ZFAT: variants seen among roughly 807,000 people sequenced by gnomAD.
The protein encoded by ZFAT is zinc finger and AT-hook domain containing.
ZFAT carries 64 observed loss-of-function variants against 117.7 expected under a neutral mutation model. The observed-to-expected ratio is 0.54, with a 90% CI of 0.44 to 0.67. The LOEUF is 0.67. Among genes scored for constraint, ZFAT ranks in the 30% least tolerant of loss-of-function variants. The pLI is 0.00. For missense variants in ZFAT, 1,433 were observed against 1,584.5 expected (o/e 0.90, Z 1.62); for synonymous variants, 679 against 615.0 (o/e 1.10, Z -1.54).
intron 11 of ZFAT, among the ~76,000 whole-genome samples, chr8:134,548,191 T>G (rs1822842621): frequency 6.6e-6 from 1 of 152,216 alleles, no homozygotes; most frequent in Admixed American, 6.5e-5. Context: ...ACTGCATAGG[T>G]GCTGGGAGTA....
intron 3 of ZFAT, among the ~76,000 whole-genome samples, chr8:134,614,377 AT>A (rs887890536): frequency 1.3e-5 from 2 of 152,110 alleles, no homozygotes; most frequent in African/African-American, 4.8e-5. Context: ...CAACGTCCTG[AT>A]CCACACACCT....
the ZFAT span, among the ~76,000 whole-genome samples, chr8:134,820,372 A>C: frequency 6.6e-6 from 1 of 152,226 alleles, no homozygotes; most frequent in Admixed American, 6.5e-5. Context: ...GAAATGTAAT[A>C]CATCTACCAA....
At chr8:134,653,089 A>G (rs1447061299) in intron 2 of ZFAT, among the ~76,000 whole-genome samples, 1 of 151,660 alleles carries the variant, frequency 6.6e-6, no homozygotes, top group Non-Finnish European at 1.5e-5. Context: ...AAAAATTAGG[A>G]CATACAAATA....
At chr8:134,819,496 A>ACCCCCCCCCCCCCCCCCCCCCCCCCCC in the ZFAT span, among the ~76,000 whole-genome samples, 1 of 39,336 alleles carries the variant, frequency 2.5e-5, no homozygotes, top group Non-Finnish European at 4.7e-5. Flanking sequence ...CGGATTTACC[A>ACCCCCCCCCCCCCCCCCCCCCCCCCCC]CCCCCCCCCC....
chr8:134,801,484 C>T, the ZFAT span, among the ~76,000 whole-genome samples: 1 of 152,098 alleles, frequency 6.6e-6, no homozygotes, highest in African/African-American at 2.4e-5. Flanking sequence ...CACAGGTAAC[C>T]CAGGACTTTC....
chr8:134,634,002 C>T (rs899740054), intron 3 of ZFAT, among the ~76,000 whole-genome samples: 29 of 152,138 alleles, frequency 1.9e-4, no homozygotes, highest in Admixed American at 3.9e-4. Context: ...GCTGAGATTG[C>T]GCCACTGCAC....
At chr8:134,527,787 A>T (rs1443830381) in intron 12 of ZFAT, among the ~76,000 whole-genome samples, 2 of 152,238 alleles carry the variant, frequency 1.3e-5, no homozygotes, top group Non-Finnish European at 2.9e-5. Flanking sequence ...TTATCAGCCA[A>T]GCTGATATCC....
chr8:134,807,564 C>T, the ZFAT span, among the ~76,000 whole-genome samples: 1 of 152,190 alleles, frequency 6.6e-6, no homozygotes, highest in African/African-American at 2.4e-5. Context: ...TACAATTTGA[C>T]TCTGAACTCT....
the ZFAT span, among the ~76,000 whole-genome samples, chr8:134,825,263 A>T: frequency 6.6e-6 from 1 of 152,234 alleles, no homozygotes; most frequent in Admixed American, 6.5e-5. Flanking sequence ...GAAAAGGCAT[A>T]CAATGATTAG....
chr8:134,777,299 AAG>A, the ZFAT span, among the ~76,000 whole-genome samples: 1 of 152,222 alleles, frequency 6.6e-6, no homozygotes, highest in African/African-American at 2.4e-5. Context: ...CCAAAGAGGA[AAG>A]AGAGAATTAG....
intron 13 of ZFAT, among the ~76,000 whole-genome samples, chr8:134,515,297 T>TAATC (rs1338710948): frequency 6.6e-6 from 1 of 152,254 alleles, no homozygotes; most frequent in African/African-American, 2.4e-5. Flanking sequence ...TATAGTAGAA[T>TAATC]GATTTATAAT....
intron 10 of ZFAT, among the ~76,000 whole-genome samples, chr8:134,570,637 G>A (rs113943469): frequency 0.012 from 1,782 of 152,244 alleles, 30 homozygotes; most frequent in African/African-American, 0.04. Flanking sequence ...TGGAGGTAAG[G>A]CTAGCAGTTA....
the ZFAT span, among the ~76,000 whole-genome samples, chr8:134,817,411 A>T: frequency 0.085 from 9,795 of 114,654 alleles, 412 homozygotes; most frequent in African/African-American, 0.14. Flanking sequence ...ACACACACAC[A>T]CACACACACA....
At position 134,600,417 on chromosome 8, in the gene ZFAT, G is replaced by A. The variant is rs753777333; in HGVS notation, c.2475+19C>T. On this transcript the variant is annotated intron_variant, in intron 7 of 15. Coordinates refer to ENST00000377838, the MANE Select transcript of ZFAT (RefSeq NM_020863.4). ...AGCACCCAGGGGAGACGGGGCTGCC[G>A]CTTGGGCTTGCTACTTACCAGTGCT... 40 of 1,607,796 alleles carry A rather than the reference G, an allele frequency of 2.5e-5. No homozygotes were observed. The highest frequency in any genetic ancestry group is 1.3e-4 in the Admixed American group (8 of 59,990).
chr8:134,584,917 G>A (rs919005746), intron 9 of ZFAT, among the ~76,000 whole-genome samples: 5 of 152,188 alleles, frequency 3.3e-5, no homozygotes, highest in African/African-American at 9.7e-5. Context: ...GGAAACCAAC[G>A]CTTAAAGAGG....
intron 15 of ZFAT, among the ~76,000 whole-genome samples, chr8:134,499,617 G>A (rs926180582): frequency 1.3e-5 from 2 of 151,394 alleles, no homozygotes; most frequent in Admixed American, 1.3e-4. Context: ...ATTTGGGAGG[G>A]TCGGGGTGGA....
intron 13 of ZFAT, among the ~76,000 whole-genome samples, chr8:134,519,904 G>A (rs1236590912): frequency 6.6e-6 from 1 of 152,106 alleles, no homozygotes; most frequent in African/African-American, 2.4e-5. Flanking sequence ...TTTGTCAAAT[G>A]TCTTTTCTGC....
At chr8:134,781,525 G>A in the ZFAT span, among the ~76,000 whole-genome samples, 3 of 152,102 alleles carry the variant, frequency 2.0e-5, no homozygotes, top group Admixed American at 2.0e-4. Flanking sequence ...ACTAAACTTG[G>A]TGTGATCTGT....
the ZFAT span, among the ~76,000 whole-genome samples, chr8:134,780,696 AG>A: frequency 2.6e-5 from 4 of 152,234 alleles, no homozygotes; most frequent in African/African-American, 9.6e-5. Context: ...CAAGGACAAT[AG>A]TTAATATATT....
Sources: allele counts gnomAD v4.1 joint callset (sites outside exome capture counted in the v4.1 genomes callset), GRCh38; gene constraint gnomAD v4.1.1; transcripts MANE v1.5; gene names NCBI Gene and HGNC (gene_info 2026-07-23, HGNC 2026-07-21).